RPL15: variants seen among roughly 807,000 people sequenced by gnomAD.
The protein encoded by RPL15 is large ribosomal subunit protein eL15.
For missense variants in RPL15, 161 were observed against 271.8 expected (o/e 0.59, Z 2.87); for synonymous variants, 97 against 95.1 (o/e 1.02, Z -0.12).
chr3:23,920,993 C>G (rs1396843596), downstream of RPL15: 2 of 156,880 alleles, frequency 1.3e-5, no homozygotes, highest in Non-Finnish European at 2.8e-5. Context: ...TCTCTCAGTT[C>G]TTTGATCATT....
chr3:23,921,505 C>T (rs752047388), downstream of RPL15: 1 of 669,578 alleles, frequency 1.5e-6, no homozygotes, highest in African/African-American at 1.8e-5. Flanking sequence ...GCCCCACAAG[C>T]TGTTCCCATT....
At chr3:23,922,486 CAAGCGATTCTCCTG>C (rs1705122984), downstream of RPL15, 1 of 152,204 alleles carries the variant, frequency 6.6e-6, no homozygotes, top group Admixed American at 6.5e-5. This position sits in a 1 kb window ranked among gnomAD's most constrained non-coding sequence, Gnocchi z 4.2. Context: ...AACCCGGGTT[CAAGCGATTCTCCTG>C]CCTCAGCCTC....
In RPL15 at chr3:23,919,862, G is replaced by C. The variant is rs34082882; in HGVS notation, c.*361G>C. Reference sequence around the variant, plus strand: ...GCAGCTTTATCGGAGTGATGGCAATGCTCTGCTGGTTTATTTTCAAGTGGC... The same window carrying C: ...GCAGCTTTATCGGAGTGATGGCAATCCTCTGCTGGTTTATTTTCAAGTGGC... On this transcript the variant is annotated 3_prime_UTR_variant, in exon 4 of 4. Coordinates refer to ENST00000307839, the MANE Select transcript of RPL15 (RefSeq NM_002948.5). 87,662 of 1,007,450 alleles carry C rather than the reference G, an allele frequency of 0.087. 5,110 individuals are homozygous for C. The highest frequency in any genetic ancestry group is 0.26 in the African/African-American group (15,356 of 58,120). 62.4% of individuals were successfully genotyped at this position (1,007,450 alleles called of 1,614,324 possible).
At position 23,920,846 on chromosome 3, in the gene RPL15, A is replaced by T; in HGVS notation, c.*1345A>T. On this transcript the variant is annotated 3_prime_UTR_variant, in exon 4 of 4. Transcript: ENST00000307839. ...AATAAATGTCTATTAAACTAAAACAAATGGACCTTCTGTTATTTTTTGTCA... is the reference window on the plus strand; with the variant it reads ...AATAAATGTCTATTAAACTAAAACATATGGACCTTCTGTTATTTTTTGTCA... 1 of 884,102 alleles carries T rather than the reference A, an allele frequency of 1.1e-6. No homozygotes were observed. The highest frequency in any genetic ancestry group is 1.4e-6 in the Non-Finnish European group (1 of 737,598). 54.8% of individuals were successfully genotyped at this position (884,102 alleles called of 1,614,324 possible).
At chr3:23,921,566 T>A, downstream of RPL15, 2 of 675,116 alleles carry the variant, frequency 3.0e-6, no homozygotes, top group Non-Finnish European at 2.6e-6. Context: ...ACATTGATTA[T>A]TGAGTTTTTT....
rs202240092 is a variant in RPL15, at chr3:23,919,524, C to A, written c.*23C>A. 1.3e-3 allele frequency: 2,036 copies of A among 1,531,472 alleles called. 2 individuals carry two copies. Among genetic ancestry groups the A allele is most frequent in the Non-Finnish European group, 1.7e-3 (1,909 of 1,143,486 alleles). The allele number at this position is 1,531,472 out of a possible 1,614,324, so 94.9% of individuals were successfully genotyped here. On this transcript the variant is annotated 3_prime_UTR_variant, in exon 4 of 4. Transcript: ENST00000307839. The stretch of plus-strand genomic sequence containing the variant: ...TAATATAAGTAAAGTTTGTAAAATT[C>A]ATACTTAATAAACAATTTAGGACAG...
At chr3:23,921,685 C>T, downstream of RPL15, 1 of 633,358 alleles carries the variant, frequency 1.6e-6, no homozygotes, top group South Asian at 1.6e-5. Flanking sequence ...AGCAATTCTT[C>T]TGCCTCGGCC....
rs1704980648 is a variant in RPL15 at position 23,919,965 on chromosome 3, C to T, written c.*464C>T. The T allele has an allele frequency of 2.0e-6, 2 of 988,364 alleles. No individual in the cohort carries two copies. The highest frequency in any genetic ancestry group is 2.4e-6 in the Non-Finnish European group (2 of 831,748). 61.2% of individuals were successfully genotyped at this position (988,364 alleles called of 1,614,324 possible). ...ATCTGGGTTAGCCTGAAGAAAATTG[C>T]CTCAGCCTCCACAGTACCATTTTAA... On this transcript the variant is annotated 3_prime_UTR_variant, in exon 4 of 4. Coordinates refer to ENST00000307839, the MANE Select transcript of RPL15 (RefSeq NM_002948.5).
At chr3:23,917,614 A>G in intron 1 of RPL15, 1 of 454,280 alleles carries the variant, frequency 2.2e-6, no homozygotes. Context: ...TGGTTCTGTT[A>G]ATTCGCCCCA....
chr3:23,919,655 A>C lies in RPL15; in HGVS notation c.*154A>C. Reference sequence around the variant, plus strand: ...TTAAAGTGCAATAATGTTTGAAGACAATAAGTGGTGGTGTATCTTGTTTCT... The same window carrying C: ...TTAAAGTGCAATAATGTTTGAAGACCATAAGTGGTGGTGTATCTTGTTTCT... On this transcript the variant is annotated 3_prime_UTR_variant, in exon 4 of 4. Transcript: ENST00000307839. 1.4e-6 allele frequency: 2 copies of C among 1,415,700 alleles called. No homozygotes were observed. Among genetic ancestry groups the C allele is most frequent in the Non-Finnish European group, 1.8e-6 (2 of 1,090,020 alleles). The allele number at this position is 1,415,700 out of a possible 1,614,324, so 87.7% of individuals were successfully genotyped here.
chr3:23,920,066 C>T lies in RPL15; in HGVS notation c.*565C>T. ...TTCAGTGATTAGTGGTAATGGTAAA[C>T]ACTGGTGTGTTTTGAAGTTGAATGT... On this transcript the variant is annotated 3_prime_UTR_variant, in exon 4 of 4. Transcript: ENST00000307839. 1.0e-6 allele frequency: 1 copy of T among 985,974 alleles called. No homozygotes were observed. The highest frequency in any genetic ancestry group is 1.2e-6 in the Non-Finnish European group (1 of 830,044). The allele number at this position is 985,974 out of a possible 1,614,324, so 61.1% of individuals were successfully genotyped here.
chr3:23,924,158 G>C (rs1458784036), downstream of RPL15: 4 of 152,222 alleles, frequency 2.6e-5, no homozygotes, highest in Non-Finnish European at 4.4e-5. Context: ...TGAGTGGTAA[G>C]ATTTTATTGT....
chr3:23,917,720 G>C (rs935933155), intron 1 of RPL15, 130 bp from the exon 2 acceptor site: 3 of 908,070 alleles, frequency 3.3e-6, no homozygotes, highest in African/African-American at 3.4e-5. Flanking sequence ...AGCTGTCCCC[G>C]GCAGTTGGTG....
chr3:23,921,836 A>G (rs924161543), downstream of RPL15: 6 of 539,320 alleles, frequency 1.1e-5, no homozygotes, highest in Non-Finnish European at 6.5e-6. Flanking sequence ...TGGCCTCCCA[A>G]AGTGCTGGGA....
downstream of RPL15, chr3:23,922,050 T>A: frequency 6.4e-6 from 1 of 156,394 alleles, no homozygotes; most frequent in Non-Finnish European, 1.4e-5. This position sits in a 1 kb window ranked among gnomAD's most constrained non-coding sequence, Gnocchi z 4.2. Flanking sequence ...GTGCGGTGGC[T>A]CACGCCTGCA....
downstream of RPL15, chr3:23,921,500 A>G (rs1705077602): frequency 1.5e-6 from 1 of 666,590 alleles, no homozygotes; most frequent in African/African-American, 1.8e-5. Flanking sequence ...TGACCGCCCC[A>G]CAAGCTGTTC....
chr3:23,921,216 C>A (rs1446719575), downstream of RPL15, among the ~76,000 whole-genome samples: 1 of 152,188 alleles, frequency 6.6e-6, no homozygotes, highest in African/African-American at 2.4e-5. Context: ...TACAAGAAAA[C>A]CTTGTTCCTG....
chr3:23,924,528 C>A (rs1308941195), downstream of RPL15, among the ~76,000 whole-genome samples: 1 of 152,122 alleles, frequency 6.6e-6, no homozygotes, highest in Non-Finnish European at 1.5e-5. Context: ...CCTCAGCCTC[C>A]CAAGTAGCTG....
intron 3 of RPL15, 63 bp from the exon 4 acceptor site, chr3:23,919,133 C>A: frequency 2.6e-6 from 3 of 1,136,410 alleles, no homozygotes; most frequent in Non-Finnish European, 2.6e-6. Context: ...AATTAAAATT[C>A]TTTCTGACTT....
Sources: allele counts gnomAD v4.1 joint callset (sites outside exome capture counted in the v4.1 genomes callset), GRCh38; gene constraint gnomAD v4.1.1; non-coding constraint Gnocchi (gnomAD v3.1); transcripts MANE v1.5; gene names NCBI Gene and HGNC (gene_info 2026-07-23, HGNC 2026-07-21).